Variants in SLC7A6 observed in about 807,000 individuals in gnomAD.
SLC7A6 encodes solute carrier family 7 member 6.
A neutral mutation model predicts 46.6 loss-of-function variants in SLC7A6; 29 were observed. The ratio of observed to expected loss-of-function variants is 0.62; its 90% CI spans 0.46 to 0.85. SLC7A6 has a LOEUF of 0.85. Ranked by LOEUF, SLC7A6 falls within the 40% of genes least tolerant of loss-of-function variation. The pLI is 0.00. For synonymous variants in SLC7A6, 276 were observed against 257.3 expected (o/e 1.07, Z -0.70); for missense variants, 527 against 647.6 (o/e 0.81, Z 2.02).
chr16:68,271,637 G>A (rs1360939994), intron 2 of SLC7A6, among the ~76,000 whole-genome samples: 1 of 152,116 alleles, frequency 6.6e-6, no homozygotes, highest in African/African-American at 2.4e-5. Flanking sequence ...AGAAGGTAAG[G>A]GATGGCCCTG....
intron 3 of SLC7A6, chr16:68,287,438 A>T: frequency 7.5e-7 from 1 of 1,325,638 alleles, no homozygotes; most frequent in Non-Finnish European, 9.9e-7. Flanking sequence ...GGGAAAGAGT[A>T]GGTGAAATCA....
chr16:68,277,009 C>CAA (rs371728203), intron 3 of SLC7A6, among the ~76,000 whole-genome samples: 1 of 144,962 alleles, frequency 6.9e-6, no homozygotes, highest in Non-Finnish European at 1.5e-5. Context: ...CAAAACAAAA[C>CAA]AAAAAAAAAA....
chr16:68,301,360 C>G lies in SLC7A6; in HGVS notation c.*4032C>G. 4.3e-6 allele frequency: 7 copies of G among 1,614,170 alleles called. No individual in the cohort carries two copies. The highest frequency in any genetic ancestry group is 5.9e-6 in the Non-Finnish European group (7 of 1,179,996). On this transcript the variant is annotated 3_prime_UTR_variant, in exon 11 of 11. Transcript: ENST00000219343. Reference sequence around the variant, plus strand: ...GTACTTGCTCCACATCCGCTGTCTGCTGCTGCCTCTTTCCTCCTCACTCAG... The same window carrying G: ...GTACTTGCTCCACATCCGCTGTCTGGTGCTGCCTCTTTCCTCCTCACTCAG...
Position 68,301,759 on chromosome 16 carries a change from A to G in SLC7A6, c.*4431A>G, listed in dbSNP as rs2043281107. The G allele has an allele frequency of 6.0e-6, 1 of 165,630 alleles. No individual in the cohort carries two copies. The highest frequency in any genetic ancestry group is 6.2e-5 in the Admixed American group (1 of 16,068). 10.3% of individuals were successfully genotyped at this position (165,630 alleles called of 1,614,324 possible). On this transcript the variant is annotated 3_prime_UTR_variant, in exon 11 of 11. Transcript: ENST00000219343. Reference sequence around the variant, plus strand: ...GTTATTGACAAACCTCCCCAAAAGAATATGCAATTGTTTGATTCATTTCTC... The same window carrying G: ...GTTATTGACAAACCTCCCCAAAAGAGTATGCAATTGTTTGATTCATTTCTC...
At chr16:68,291,526 G>A (rs754376587) in intron 6 of SLC7A6, 32 bp from the exon 7 acceptor site, 3 of 1,609,102 alleles carry the variant, frequency 1.9e-6, no homozygotes, top group South Asian at 1.1e-5. Flanking sequence ...AACCCTGTGC[G>A]TTTAAGTGCC....
At chr16:68,270,489 C>T (rs8056893) in intron 2 of SLC7A6, among the ~76,000 whole-genome samples, 3 of 152,174 alleles carry the variant, frequency 2.0e-5, no homozygotes, top group Middle Eastern at 3.4e-3. Flanking sequence ...CTACCAAGAG[C>T]GGTTTTCTCA....
At chr16:68,270,489 C>A (rs8056893) in intron 2 of SLC7A6, among the ~76,000 whole-genome samples, 121,237 of 152,130 alleles carry the variant, frequency 0.8, 48,926 homozygotes, top group African/African-American at 0.93. Context: ...CTACCAAGAG[C>A]GGTTTTCTCA....
At chr16:68,284,688 C>T (rs2042891448) in intron 3 of SLC7A6, 1 of 982,812 alleles carries the variant, frequency 1.0e-6, no homozygotes. Context: ...CTTCTCTTCC[C>T]CTTGGAGCTG....
rs147921044 is a variant in SLC7A6, at chr16:68,290,571, G to A, written c.794+31G>A. On this transcript the variant is annotated intron_variant, in intron 5 of 10. Transcript: ENST00000219343. ...GATGGGATCACACTCTCACTCCCCA[G>A]CTTGGCTGGAACTCCTGCTGATAGT... is the stretch of plus-strand genomic sequence containing the variant. 1.7e-5 allele frequency: 27 copies of A among 1,613,330 alleles called. 1 individual carries two copies. The African/African-American group carries it at 2.3e-4, about 14-fold the overall frequency.
chr16:68,294,317 A>T (rs1325656595), intron 7 of SLC7A6, among the ~76,000 whole-genome samples: 1 of 152,206 alleles, frequency 6.6e-6, no homozygotes, highest in Non-Finnish European at 1.5e-5. Context: ...GGGCATGAAC[A>T]GAAATCTGGC....
intron 2 of SLC7A6, among the ~76,000 whole-genome samples, chr16:68,267,250 C>T (rs2042551004): frequency 8.2e-6 from 1 of 122,504 alleles, no homozygotes; most frequent in African/African-American, 3.2e-5. Flanking sequence ...GTTTCGCTCT[C>T]ATTGCCCTGG....
Position 68,297,577 on chromosome 16 carries a change from C to A in SLC7A6, c.*249C>A, listed in dbSNP as rs1204903502. 1 of 441,352 alleles carries A rather than the reference C, an allele frequency of 2.3e-6. No homozygotes were observed. Among genetic ancestry groups the A allele is most frequent in the East Asian group, 4.1e-5 (1 of 24,680 alleles). The allele number at this position is 441,352 out of a possible 1,614,324, so 27.3% of individuals were successfully genotyped here. On this transcript the variant is annotated 3_prime_UTR_variant, in exon 11 of 11. Transcript: ENST00000219343. ...CGGGGGGAATGGTCATTTAGTTTTA[C>A]TCCTGATAGGTAGATGCAGCTCTTA...
In SLC7A6 at chr16:68,299,854, G is replaced by A. The variant is rs560831039; in HGVS notation, c.*2526G>A. The stretch of plus-strand genomic sequence containing the variant: ...TGTTTTAATTAGCTGCAATATATAC[G>A]GCCTGTGTACACAGAATTTAATCAC... On this transcript the variant is annotated 3_prime_UTR_variant, in exon 11 of 11. Coordinates refer to ENST00000219343, the MANE Select transcript of SLC7A6 (RefSeq NM_003983.6). The A allele has an allele frequency of 2.0e-5, 3 of 152,182 alleles. No individual in the cohort carries two copies. The highest frequency in any genetic ancestry group is 6.5e-5 in the Admixed American group (1 of 15,280). 9.4% of individuals were successfully genotyped at this position (152,182 alleles called of 1,614,324 possible). A position where few individuals can be genotyped will look rare whatever the true frequency, so the allele number is the denominator to read the frequency against.
chr16:68,282,869 C>T lies in SLC7A6; in HGVS notation c.524-4877C>T, dbSNP rs931715005. Among the ~76,000 whole-genome samples, 8 of 152,210 alleles carry T rather than the reference C, an allele frequency of 5.3e-5. No homozygotes were observed. In the South Asian group the frequency reaches 6.2e-4, roughly 12 times the overall value. ...CCTTGACCTTGTGATTTGCCCGCCT[C>T]GGCCTCCCAAAGTGCTGGCATTACA... On this transcript the variant is annotated intron_variant, in intron 3 of 10. Transcript: ENST00000219343.
rs1444397588 is a variant in SLC7A6 at position 68,294,744 on chromosome 16, C to G, written c.1062C>G (p.Asp354Glu). ...GCTCCCGGGAGGGCCACCTACCGGA[C>G]CTTCTGTCCATGATCCACATTGAGC... is the stretch of plus-strand genomic sequence containing the variant. ...FVGSREGHLP[D>E]LLSMIHIERF... is the part of the protein sequence containing the mutation. The change falls in exon 8 of 11, where the codon GAC (aspartate) becomes GAG (glutamate). Residue 354 changes from aspartate (D) to glutamate (E), a missense_variant. Transcript: ENST00000219343. The G allele has an allele frequency of 6.2e-7, 1 of 1,614,044 alleles. No individual in the cohort carries two copies.
chr16:68,300,413 TC>T lies in SLC7A6; in HGVS notation c.*3087del, dbSNP rs1368010923. 1 of 157,858 alleles carries T rather than the reference TC, an allele frequency of 6.3e-6. No homozygotes were observed. The allele number at this position is 157,858 out of a possible 1,614,324, so 9.8% of individuals were successfully genotyped here. A position where few individuals can be genotyped will look rare whatever the true frequency, so the allele number is the denominator to read the frequency against. On this transcript the variant is annotated 3_prime_UTR_variant, in exon 11 of 11. Coordinates refer to ENST00000219343, the MANE Select transcript of SLC7A6 (RefSeq NM_003983.6). ...AGATACAAGTTGTTAATAAAATTGATCCTGTTGATAGTAGTTTGTTTTTGTG... is the reference window on the plus strand; with the variant it reads ...AGATACAAGTTGTTAATAAAATTGATCTGTTGATAGTAGTTTGTTTTTGTG...
At chr16:68,284,836 G>A (rs1376247186) in intron 3 of SLC7A6, 1 of 133,048 alleles carries the variant, frequency 7.5e-6, no homozygotes, top group South Asian at 2.4e-4. Flanking sequence ...TCACCCCTCT[G>A]TCTCTTCTGT....
At chr16:68,288,036 G>A (rs2042974509) in intron 4 of SLC7A6, among the ~76,000 whole-genome samples, 165 bp downstream of exon 4, 1 of 152,224 alleles carries the variant, frequency 6.6e-6, no homozygotes, top group Non-Finnish European at 1.5e-5. Flanking sequence ...TTTTGGGCCA[G>A]GCTGGCTTGG....
chr16:68,281,250 CTATTT>C (rs2042823903), intron 3 of SLC7A6, among the ~76,000 whole-genome samples: 1 of 152,196 alleles, frequency 6.6e-6, no homozygotes, highest in Admixed American at 6.5e-5. Context: ...AGATTTCAGG[CTATTT>C]TATTTTACCT....
Sources: allele counts gnomAD v4.1 joint callset (sites outside exome capture counted in the v4.1 genomes callset), GRCh38; gene constraint gnomAD v4.1.1; transcripts MANE v1.5; gene names NCBI Gene and HGNC (gene_info 2026-07-23, HGNC 2026-07-21).